IL36B: variants seen among roughly 807,000 people sequenced by gnomAD.
The protein encoded by IL36B is interleukin-36 beta.
In IL36B, 23 loss-of-function variants were observed where a neutral mutation model predicts 19.3. The observed-to-expected ratio is 1.19, with a 90% CI of 0.86 to 1.69. The LOEUF (loss-of-function observed/expected upper bound fraction) is 1.69. Among genes scored for constraint, IL36B ranks in the 40% most tolerant of loss-of-function variants. The pLI, the probability that IL36B is intolerant of heterozygous loss-of-function variation, is 0.00. For synonymous variants in IL36B, 59 were observed against 59.7 expected, an observed-to-expected ratio of 0.99 and a Z score of 0.05; for missense variants, 217 against 200.5, an observed-to-expected ratio of 1.08 and a Z score of -0.50.
intron 4 of IL36B, among the ~76,000 whole-genome samples, chr2:113,026,687 G>A (rs551084077): frequency 1.3e-5 from 2 of 152,254 alleles, no homozygotes; most frequent in Admixed American, 6.5e-5. Context: ...CCCTATAGAG[G>A]AGTGGTAGAT....
At chr2:113,026,017 T>C (rs1684951976) in intron 5 of IL36B, 1 of 1,540,214 alleles carries the variant, frequency 6.5e-7, no homozygotes, top group African/African-American at 1.4e-5. Flanking sequence ...GTCTCAATAC[T>C]GCTGGGATCC....
At chr2:113,022,822 C>G in intron 5 of IL36B, 1 of 1,318,782 alleles carries the variant, frequency 7.6e-7, no homozygotes, top group Non-Finnish European at 1.1e-6. Flanking sequence ...AAGATGTGGA[C>G]ATTTGCTAAA....
chr2:113,039,893 T>C (rs1446219502), intron 1 of IL36B, among the ~76,000 whole-genome samples: 2 of 152,142 alleles, frequency 1.3e-5, no homozygotes, highest in African/African-American at 4.8e-5. Flanking sequence ...CATCGGTGAA[T>C]AAGCATAAGA....
chr2:113,045,909 A>C (rs1685340523), intron 1 of IL36B, among the ~76,000 whole-genome samples: 1 of 152,100 alleles, frequency 6.6e-6, no homozygotes, highest in Admixed American at 6.6e-5. Context: ...CATCTGTATC[A>C]GTTCTGGGTT....
intron 1 of IL36B, among the ~76,000 whole-genome samples, chr2:113,041,425 C>T (rs1199904237): frequency 2.0e-5 from 3 of 152,152 alleles, no homozygotes; most frequent in African/African-American, 4.8e-5. Flanking sequence ...CCCTACCTCA[C>T]ACATAATACT....
intron 1 of IL36B, among the ~76,000 whole-genome samples, chr2:113,035,199 G>A (rs35681348): frequency 3.3e-5 from 5 of 152,298 alleles, no homozygotes; most frequent in African/African-American, 1.2e-4. Flanking sequence ...GTGATAGGAT[G>A]TCCAACCATG....
intron 1 of IL36B, among the ~76,000 whole-genome samples, chr2:113,047,436 G>A (rs1228914660): frequency 6.6e-6 from 1 of 152,184 alleles, no homozygotes; most frequent in Admixed American, 6.5e-5. Context: ...TGAGACTAGG[G>A]AGGCTCAACT....
chr2:113,036,278 T>C (rs1458813592), intron 1 of IL36B, among the ~76,000 whole-genome samples: 1 of 151,878 alleles, frequency 6.6e-6, no homozygotes, highest in Non-Finnish European at 1.5e-5. Flanking sequence ...AATATACATG[T>C]GTTGTTATAA....
chr2:113,040,941 A>T (rs1445610888), intron 1 of IL36B, among the ~76,000 whole-genome samples: 2 of 152,118 alleles, frequency 1.3e-5, no homozygotes, highest in Non-Finnish European at 2.9e-5. Flanking sequence ...GGATGGCTTG[A>T]GCTCAGGAGT....
In IL36B at chr2:113,022,726, T is replaced by A. The variant is rs780311808; in HGVS notation, c.443A>T (p.Asp148Val). The A allele has an allele frequency of 4.3e-6, 7 of 1,613,486 alleles. No individual in the cohort carries two copies. The African/African-American group carries it at 8.0e-5, about 18-fold the overall frequency. ...GGTCCGCATGGATGAGAAATCTTTG[T>A]CCTTCTTCCTGAGATGGTGATGTTG... The change falls in exon 6 of 6, where the codon GAC (aspartate) becomes GTC (valine). Residue 148 changes from aspartate to valine, a missense_variant. Physicochemically the swap from Asp to Val is radical, Grantham distance 152. Transcript: ENST00000259213.
At chr2:113,027,565 A>T (rs1005877272) in intron 4 of IL36B, 1 of 1,104,724 alleles carries the variant, frequency 9.1e-7, no homozygotes, top group African/African-American at 1.6e-5. Context: ...ACATCTCTAC[A>T]TCATGGGTTG....
intron 1 of IL36B, among the ~76,000 whole-genome samples, chr2:113,046,462 G>A (rs947152213): frequency 6.6e-6 from 1 of 151,872 alleles, no homozygotes; most frequent in Non-Finnish European, 1.5e-5. Flanking sequence ...GCCCACCTCG[G>A]CCCCCAAAGT....
intron 1 of IL36B, among the ~76,000 whole-genome samples, chr2:113,052,419 GT>G (rs907735156): frequency 2.6e-5 from 4 of 152,178 alleles, no homozygotes; most frequent in African/African-American, 9.6e-5. Flanking sequence ...AGCTGCAAGA[GT>G]ACCAATACCA....
chr2:113,043,047 G>T (rs972578268), intron 1 of IL36B, among the ~76,000 whole-genome samples: 12 of 152,050 alleles, frequency 7.9e-5, no homozygotes, highest in African/African-American at 2.9e-4. Flanking sequence ...ACATCTTTTT[G>T]TAGGCTTTTT....
intron 1 of IL36B, among the ~76,000 whole-genome samples, chr2:113,046,874 A>G (rs1335524864): frequency 1.3e-5 from 2 of 152,164 alleles, no homozygotes; most frequent in African/African-American, 4.8e-5. Context: ...CCCCATTTCC[A>G]TACTATATTC....
intron 1 of IL36B, among the ~76,000 whole-genome samples, chr2:113,040,484 T>A (rs1333854613): frequency 6.6e-6 from 1 of 152,228 alleles, no homozygotes; most frequent in Non-Finnish European, 1.5e-5. Flanking sequence ...TATGATTGTT[T>A]ATATAGAAAA....
intron 4 of IL36B, chr2:113,027,613 A>G (rs1684987780): frequency 3.2e-6 from 4 of 1,232,790 alleles, no homozygotes; most frequent in Non-Finnish European, 4.1e-6. Flanking sequence ...ATGAAGCAGC[A>G]TTTGGGGGGT....
chr2:113,022,717 A>T lies in IL36B; in HGVS notation c.452T>A (p.Phe151Tyr). Residue 151 changes from phenylalanine to tyrosine, a missense_variant, in exon 6 of 6, where the codon TTC becomes TAC. Phe to Tyr is a conservative substitution (Grantham distance 22, BLOSUM62 3). Coordinates refer to ENST00000259213, the MANE Select transcript of IL36B (RefSeq NM_014438.5). ...TCCTATGTTGGTCCGCATGGATGAG[A>T]AATCTTTGTCCTTCTTCCTGAGATG... 1 of 1,613,356 alleles carries T rather than the reference A, an allele frequency of 6.2e-7. No individual in the cohort carries two copies. Among genetic ancestry groups the T allele is most frequent in the Non-Finnish European group, 8.5e-7 (1 of 1,179,334 alleles).
chr2:113,040,979 C>T (rs1457622621), intron 1 of IL36B, among the ~76,000 whole-genome samples: 1 of 152,004 alleles, frequency 6.6e-6, no homozygotes, highest in African/African-American at 2.4e-5. Flanking sequence ...AACTTAGCAA[C>T]ACCCTGTCTC....
Sources: gnomAD v4.1 joint callset for allele counts (sites outside exome capture counted in the v4.1 genomes callset) on GRCh38, gnomAD v4.1.1 for gene constraint, MANE v1.5 for transcripts, NCBI Gene and HGNC (gene_info 2026-07-23, HGNC 2026-07-21) for gene names.